Variants in PPP2R2B observed in about 807,000 individuals in gnomAD.
PPP2R2B encodes the protein serine/threonine-protein phosphatase 2A 55 kDa regulatory subunit B beta isoform.
Under a neutral mutation model 46.0 loss-of-function variants are expected in PPP2R2B, and 5 were observed. That is an observed-to-expected ratio of 0.11 (90% CI 0.06 to 0.23). The LOEUF (loss-of-function observed/expected upper bound fraction) is 0.23, where lower values mean the gene tolerates loss of function less well. PPP2R2B is among the 10% of genes least tolerant of loss of function. The pLI is 1.00. For synonymous variants in PPP2R2B, 215 were observed against 206.7 expected (o/e 1.04, Z -0.34); for missense variants, 367 against 575.0 (o/e 0.64, Z 3.70).
At chr5:146,841,157 C>A (rs545980862) in intron 2 of PPP2R2B, among the ~76,000 whole-genome samples, 2 of 152,084 alleles carry the variant, frequency 1.3e-5, no homozygotes, top group South Asian at 4.1e-4. Flanking sequence ...GCATAAAGAT[C>A]AAATGCACCA....
intron 5 of PPP2R2B, among the ~76,000 whole-genome samples, chr5:146,690,287 A>G (rs1384295650): frequency 2.0e-5 from 3 of 152,128 alleles, no homozygotes; most frequent in African/African-American, 7.2e-5. Flanking sequence ...TTTACCTTAC[A>G]TCTAGAGACC....
intron 1 of PPP2R2B, among the ~76,000 whole-genome samples, chr5:146,983,619 A>G (rs1175437982): frequency 6.6e-6 from 1 of 152,138 alleles, no homozygotes; most frequent in Non-Finnish European, 1.5e-5. Flanking sequence ...CCTTTACACT[A>G]GTTTATTGTC....
Position 146,587,945 on chromosome 5 carries a change from C to T in PPP2R2B, c.*2002G>A, listed in dbSNP as rs1770250876. On this transcript the variant is annotated 3_prime_UTR_variant, in exon 10 of 10. Coordinates refer to ENST00000394411, the MANE Select transcript of PPP2R2B (RefSeq NM_181675.4). ...CGTGGTACAGACAGAGGAGCTGAGT[C>T]CGGAGAAGTGGAGAAAAGGCCATAA... The T allele has an allele frequency of 6.6e-6, 1 of 152,152 alleles. No homozygotes were observed. Among genetic ancestry groups the T allele is most frequent in the Non-Finnish European group, 1.5e-5 (1 of 68,030 alleles). 9.4% of individuals were successfully genotyped at this position (152,152 alleles called of 1,614,324 possible). A position where few individuals can be genotyped will look rare whatever the true frequency, so the allele number is the denominator to read the frequency against.
intron 1 of PPP2R2B, among the ~76,000 whole-genome samples, chr5:146,990,242 T>A (rs1026627831): frequency 6.6e-6 from 1 of 151,822 alleles, no homozygotes; most frequent in Non-Finnish European, 1.5e-5. Flanking sequence ...TTAAAATTCA[T>A]GTGGAAGTGC....
chr5:146,974,286 C>A (rs1481370624), intron 1 of PPP2R2B, among the ~76,000 whole-genome samples: 1 of 152,174 alleles, frequency 6.6e-6, no homozygotes, highest in Non-Finnish European at 1.5e-5. Flanking sequence ...GTTCTAAGTC[C>A]TTTAACATAC....
At chr5:147,005,418 C>A (rs1230232911) in intron 1 of PPP2R2B, among the ~76,000 whole-genome samples, 1 of 152,204 alleles carries the variant, frequency 6.6e-6, no homozygotes, top group Non-Finnish European at 1.5e-5. Flanking sequence ...AATGTGTATA[C>A]AGATAGCAAG....
intron 1 of PPP2R2B, among the ~76,000 whole-genome samples, chr5:147,032,200 G>GA (rs1488864283): frequency 6.6e-6 from 1 of 151,826 alleles, no homozygotes; most frequent in Non-Finnish European, 1.5e-5. Context: ...AAATCAGTAA[G>GA]AAAAAAACAA....
At position 146,600,921 on chromosome 5, in the gene PPP2R2B, C is replaced by G. The variant is rs568750211; in HGVS notation, c.791-461G>C. Among the ~76,000 whole-genome samples the G allele has an allele frequency of 3.9e-5, 6 of 152,282 alleles. No homozygotes were observed. In the East Asian group the frequency reaches 5.8e-4, roughly 15 times the overall value. ...TTTAGAATATGTTCTTTACCTCCCCCCAAAAACTCCATATCCATTGGCAGT... is the reference window on the plus strand; with the variant it reads ...TTTAGAATATGTTCTTTACCTCCCCGCAAAAACTCCATATCCATTGGCAGT... On this transcript the variant is annotated intron_variant, in intron 7 of 9. Transcript: ENST00000394411.
At chr5:146,742,976 T>C (rs1379963274) in intron 2 of PPP2R2B, among the ~76,000 whole-genome samples, 1 of 152,190 alleles carries the variant, frequency 6.6e-6, no homozygotes. Context: ...ACTGTTTCTC[T>C]GTCATAGCCT....
intron 1 of PPP2R2B, among the ~76,000 whole-genome samples, chr5:146,964,043 G>A (rs1752297813): frequency 6.6e-6 from 1 of 152,192 alleles, no homozygotes; most frequent in Non-Finnish European, 1.5e-5. Context: ...CCATCCAAAT[G>A]TAGCCCTTAA....
intron 1 of PPP2R2B, among the ~76,000 whole-genome samples, chr5:147,042,363 T>C (rs1756354246): frequency 1.3e-5 from 2 of 152,160 alleles, no homozygotes; most frequent in South Asian, 4.1e-4. Context: ...TGGCGTTTTC[T>C]ATAACTCGCT....
intron 2 of PPP2R2B, among the ~76,000 whole-genome samples, chr5:146,732,443 G>A (rs1406894772): frequency 6.6e-6 from 1 of 152,116 alleles, no homozygotes. Flanking sequence ...AAAATAGAAA[G>A]GAGGCATGAT....
intron 1 of PPP2R2B, among the ~76,000 whole-genome samples, chr5:146,939,664 G>C (rs945047966): frequency 1.3e-5 from 2 of 152,124 alleles, no homozygotes; most frequent in Admixed American, 1.3e-4. Flanking sequence ...AAACATTTTT[G>C]AATGGTCAAA....
intron 1 of PPP2R2B, among the ~76,000 whole-genome samples, chr5:146,900,263 C>T (rs185936830): frequency 4.7e-4 from 72 of 152,264 alleles, no homozygotes; most frequent in African/African-American, 1.6e-3. Context: ...GAAAACATAC[C>T]TGAGCCAATC....
rs929395512 is a variant in PPP2R2B, at chr5:146,585,271, C to CACATAG, written c.*4675_*4676insCTATGT. 17 of 151,114 alleles carry CACATAG rather than the reference C, an allele frequency of 1.1e-4. No individual in the cohort carries two copies. The highest frequency in any genetic ancestry group is 4.2e-4 in the African/African-American group (17 of 40,706). 9.4% of individuals were successfully genotyped at this position (151,114 alleles called of 1,614,324 possible). ...CCATCTACATGCATACACACACACA[C>CACATAG]ACACACACACACACACACACACACA... is the stretch of plus-strand genomic sequence containing the variant. On this transcript the variant is annotated 3_prime_UTR_variant, in exon 10 of 10. Transcript: ENST00000394411.
At chr5:146,937,558 G>A (rs1032108726) in intron 1 of PPP2R2B, among the ~76,000 whole-genome samples, 2 of 152,112 alleles carry the variant, frequency 1.3e-5, no homozygotes, top group African/African-American at 4.8e-5. Flanking sequence ...GAAAGATGGA[G>A]TCAGAACAAC....
chr5:146,994,901 G>T (rs1329302440), intron 1 of PPP2R2B, among the ~76,000 whole-genome samples: 1 of 152,162 alleles, frequency 6.6e-6, no homozygotes, highest in Non-Finnish European at 1.5e-5. Flanking sequence ...AAAGTATATA[G>T]GCAATTACAA....
intron 6 of PPP2R2B, among the ~76,000 whole-genome samples, chr5:146,648,573 A>C (rs528959797): frequency 6.6e-6 from 1 of 152,332 alleles, no homozygotes; most frequent in Non-Finnish European, 1.5e-5. Flanking sequence ...AGTTCATACA[A>C]GGCCCTTGCT....
intron 2 of PPP2R2B, among the ~76,000 whole-genome samples, chr5:146,826,547 A>G (rs996860456): frequency 6.6e-6 from 1 of 152,216 alleles, no homozygotes; most frequent in Non-Finnish European, 1.5e-5. Context: ...TGGAATCACA[A>G]GAACACTAAC....
Sources: gnomAD v4.1 joint callset for allele counts (sites outside exome capture counted in the v4.1 genomes callset) on GRCh38, gnomAD v4.1.1 for gene constraint, MANE v1.5 for transcripts, NCBI Gene and HGNC (gene_info 2026-07-23, HGNC 2026-07-21) for gene names.